Variants in PRXL2C observed in about 807,000 individuals in gnomAD.
PRXL2C encodes the protein peroxiredoxin like 2C.
A neutral mutation model predicts 24.9 loss-of-function variants in PRXL2C; 38 were observed. The observed-to-expected ratio is 1.53, with a 90% CI of 1.18 to 2.00. PRXL2C has a LOEUF of 2.00. Among genes scored for constraint, PRXL2C ranks in the 30% most tolerant of loss-of-function variants. The pLI is 0.00. For missense variants in PRXL2C, 294 were observed against 290.9 expected (o/e 1.01, Z -0.08); for synonymous variants, 98 against 117.2 (o/e 0.84, Z 1.06).
intron 1 of PRXL2C, 51 bp downstream of exon 1, chr9:96,655,039 C>T (rs1422695107): frequency 1.5e-4 from 220 of 1,438,596 alleles, no homozygotes; most frequent in Non-Finnish European, 2.0e-4. Flanking sequence ...TCCCGGCAGC[C>T]TGCCCGGGAC....
Position 96,641,527 on chromosome 9 carries a change from CA to C in PRXL2C, c.*231del, listed in dbSNP as rs963766825. On this transcript the variant is annotated 3_prime_UTR_variant, in exon 6 of 6. Transcript: ENST00000375234. ...CTTTTAAAGTTATATTTTGTATATT[CA>C]TTTTTTTTGTATAAAATGTTAAAAG... 2.4e-4 allele frequency: 77 copies of C among 327,432 alleles called. 1 individual carries two copies. Among genetic ancestry groups the C allele is most frequent in the Admixed American group, 1.0e-3 (21 of 21,036 alleles). 20.3% of individuals were successfully genotyped at this position (327,432 alleles called of 1,614,324 possible).
intron 2 of PRXL2C, among the ~76,000 whole-genome samples, chr9:96,653,749 G>A (rs922047115): frequency 6.6e-6 from 1 of 151,832 alleles, no homozygotes; most frequent in Non-Finnish European, 1.5e-5. Context: ...ATACGCAGAG[G>A]AACAGTCAAA....
At chr9:96,647,924 G>C (rs1848217366) in intron 4 of PRXL2C, among the ~76,000 whole-genome samples, 1 of 151,988 alleles carries the variant, frequency 6.6e-6, no homozygotes, top group African/African-American at 2.4e-5. Context: ...AAAATTTTGA[G>C]ACAGGGAGTC....
chr9:96,646,070 T>C (rs1243614630), intron 4 of PRXL2C, 46 bp from the exon 5 acceptor site: 6 of 1,534,188 alleles, frequency 3.9e-6, no homozygotes, highest in Middle Eastern at 1.9e-4. Context: ...ATATTCAATT[T>C]GATATTAAGA....
Position 96,644,881 on chromosome 9 carries a change from CTTTTTTT to C in PRXL2C, c.553+1005_553+1011del, listed in dbSNP as rs530343244. 2.3e-3 allele frequency among the ~76,000 whole-genome samples: 86 copies of C among 36,672 alleles called. 2 individuals carry two copies. The highest frequency in any genetic ancestry group is 4.5e-3 in the African/African-American group (73 of 16,288). 24.1% of individuals were successfully genotyped at this position (36,672 alleles called of 152,430 possible). A position where few individuals can be genotyped will look rare whatever the true frequency, so the allele number is the denominator to read the frequency against. ...TTAGGTATAAATAACTACATGGATTCTTTTTTTTTTTTTTTTTTTTTTTTTTTTTTTT... is the reference window on the plus strand; with the variant it reads ...TTAGGTATAAATAACTACATGGATTCTTTTTTTTTTTTTTTTTTTTTTTTT... On this transcript the variant is annotated intron_variant, in intron 5 of 5. Coordinates refer to ENST00000375234, the MANE Select transcript of PRXL2C (RefSeq NM_153698.2).
intron 4 of PRXL2C, among the ~76,000 whole-genome samples, chr9:96,646,726 G>A (rs1452228181): frequency 6.6e-6 from 1 of 152,192 alleles, no homozygotes; most frequent in Non-Finnish European, 1.5e-5. Context: ...ACAAGATGGA[G>A]GGTGCCTGGA....
chr9:96,643,250 C>A (rs1028396479), intron 5 of PRXL2C, among the ~76,000 whole-genome samples: 1 of 147,858 alleles, frequency 6.8e-6, no homozygotes, highest in African/African-American at 2.7e-5. Flanking sequence ...TTCTTCTTTA[C>A]TTATTTATTT....
intron 5 of PRXL2C, among the ~76,000 whole-genome samples, chr9:96,645,138 T>G (rs967631120): frequency 6.6e-6 from 1 of 151,454 alleles, no homozygotes; most frequent in Non-Finnish European, 1.5e-5. Context: ...CTTGATCTCC[T>G]GACCTCGTGA....
At chr9:96,642,734 C>T (rs1031032851) in intron 5 of PRXL2C, among the ~76,000 whole-genome samples, 1 of 151,858 alleles carries the variant, frequency 6.6e-6, no homozygotes, top group Non-Finnish European at 1.5e-5. Context: ...TGAGTAGAGA[C>T]GGGGTTTCAC....
intron 4 of PRXL2C, among the ~76,000 whole-genome samples, chr9:96,650,352 C>A (rs1468345762): frequency 2.6e-5 from 4 of 152,198 alleles, no homozygotes; most frequent in African/African-American, 9.6e-5. Flanking sequence ...TCTTATCTGG[C>A]ATTTCACAAA....
chr9:96,655,295 C>T lies in PRXL2C; in HGVS notation c.-14G>A. ...CGGCGCGGCCATGACGCGGGGCGGC[C>T]GAGGGCCTGGGTCCGCTCTGTCAGC... On this transcript the variant is annotated 5_prime_UTR_variant, in exon 1 of 6. Coordinates refer to ENST00000375234, the MANE Select transcript of PRXL2C (RefSeq NM_153698.2). 9.6e-7 allele frequency: 1 copy of T among 1,044,158 alleles called. No homozygotes were observed. The highest frequency in any genetic ancestry group is 4.4e-5 in the South Asian group (1 of 22,538). 64.7% of individuals were successfully genotyped at this position (1,044,158 alleles called of 1,614,324 possible).
intron 4 of PRXL2C, 104 bp from the exon 5 acceptor site, chr9:96,646,128 G>T: frequency 1.6e-6 from 2 of 1,255,850 alleles, no homozygotes; most frequent in South Asian, 1.6e-5. Flanking sequence ...TTAAAGAATG[G>T]TTTCTCAATC....
At chr9:96,648,945 A>G (rs1007066801) in intron 4 of PRXL2C, among the ~76,000 whole-genome samples, 1 of 151,928 alleles carries the variant, frequency 6.6e-6, no homozygotes, top group East Asian at 1.9e-4. Flanking sequence ...GGCTAATTTC[A>G]TATTTTTAGT....
In PRXL2C at chr9:96,649,491, G is replaced by A. The variant is rs560714113; in HGVS notation, c.421+1899C>T. On this transcript the variant is annotated intron_variant, in intron 4 of 5. Transcript: ENST00000375234. ...AGGCAGGAGAATCACTTGAACCCAG[G>A]AGGTGGAGGTTGCAGTGAGCCGAGA... Among the ~76,000 whole-genome samples, 11 of 134,464 alleles carry A rather than the reference G, an allele frequency of 8.2e-5. No homozygotes were observed. In the South Asian group the frequency reaches 1.9e-3, roughly 24 times the overall value. 88.2% of individuals were successfully genotyped at this position (134,464 alleles called of 152,430 possible).
chr9:96,651,683 T>C lies in PRXL2C; in HGVS notation c.291A>G (p.Gly97=). ...QEANVTLIVI[G]QSSYHHIEPF... is the part of the protein sequence containing the mutation. ...CCTCAATATGATGGTAGGATGACTG[T>C]CCAATCACTATAAGGGTGACATTTG... Residue 97 remains glycine, a synonymous_variant, in exon 3 of 6, where the codon GGA becomes GGG. Transcript: ENST00000375234. The C allele has an allele frequency of 1.2e-6, 2 of 1,610,876 alleles. No individual in the cohort carries two copies. The highest frequency in any genetic ancestry group is 1.7e-6 in the Non-Finnish European group (2 of 1,177,990).
Position 96,639,763 on chromosome 9 carries a change from AT to A in PRXL2C, c.*1995del. The A allele has an allele frequency of 6.6e-6, 1 of 152,066 alleles. No homozygotes were observed. The highest frequency in any genetic ancestry group is 2.4e-5 in the African/African-American group (1 of 41,398). The allele number at this position is 152,066 out of a possible 1,614,324, so 9.4% of individuals were successfully genotyped here. A position where few individuals can be genotyped will look rare whatever the true frequency, so the allele number is the denominator to read the frequency against. On this transcript the variant is annotated 3_prime_UTR_variant, in exon 6 of 6. Transcript: ENST00000375234. ...TGATTTTGCTATACTTTTCATCAGG[AT>A]TTCTGGGACACCTCCCAACTAAACA...
In PRXL2C at chr9:96,641,061, G is replaced by A. The variant is rs1421011718; in HGVS notation, c.*698C>T. 1 of 152,098 alleles carries A rather than the reference G, an allele frequency of 6.6e-6. No homozygotes were observed. The highest frequency in any genetic ancestry group is 1.5e-5 in the Non-Finnish European group (1 of 68,040). 9.4% of individuals were successfully genotyped at this position (152,098 alleles called of 1,614,324 possible). ...CACTTCCTCTGAGTAAAGCAATTAC[G>A]ATGGAAAAGTGGACTACAGCTTATA... is the stretch of plus-strand genomic sequence containing the variant. On this transcript the variant is annotated 3_prime_UTR_variant, in exon 6 of 6. Transcript: ENST00000375234.
chr9:96,644,970 G>C (rs527637552), intron 5 of PRXL2C, among the ~76,000 whole-genome samples: 1 of 131,636 alleles, frequency 7.6e-6, no homozygotes, highest in African/African-American at 2.8e-5. Flanking sequence ...TCAGTGGTGC[G>C]ATCTCGGCGC....
chr9:96,640,502 G>A lies in PRXL2C; in HGVS notation c.*1257C>T, dbSNP rs1276507792. 3.9e-5 allele frequency: 4 copies of A among 101,406 alleles called. No individual in the cohort carries two copies. The highest frequency in any genetic ancestry group is 5.2e-5 in the Non-Finnish European group (3 of 57,328). The allele number at this position is 101,406 out of a possible 1,614,324, so 6.3% of individuals were successfully genotyped here. A position where few individuals can be genotyped will look rare whatever the true frequency, so the allele number is the denominator to read the frequency against. ...ATTGCACTCCAGCCTGGGCGACAGA[G>A]CAAGACTCCATCTCAAAAAAAAAAA... On this transcript the variant is annotated 3_prime_UTR_variant, in exon 6 of 6. Transcript: ENST00000375234.
Sources: allele counts gnomAD v4.1 joint callset (sites outside exome capture counted in the v4.1 genomes callset), GRCh38; gene constraint gnomAD v4.1.1; transcripts MANE v1.5; gene names NCBI Gene and HGNC (gene_info 2026-07-23, HGNC 2026-07-21).